The following SLC5A4 variants were observed in gnomAD, a reference collection of about 807,000 sequenced individuals.
The protein encoded by SLC5A4 is probable glucose sensor protein SLC5A4.
In SLC5A4, 55 loss-of-function variants were observed where a neutral mutation model predicts 70.3. The observed-to-expected ratio is 0.78, with a 90% CI of 0.63 to 0.98. The LOEUF is 0.98. Among genes scored for constraint, SLC5A4 ranks in the 50% least tolerant of loss-of-function variants. The pLI, the probability that SLC5A4 is intolerant of heterozygous loss-of-function variation, is 0.00. For synonymous variants in SLC5A4, 268 were observed against 305.7 expected (o/e 0.88, Z 1.29); for missense variants, 735 against 839.2 (o/e 0.88, Z 1.53).
the SLC5A4 span, among the ~76,000 whole-genome samples, chr22:32,332,934 G>A: frequency 6.6e-6 from 1 of 152,098 alleles, no homozygotes; most frequent in East Asian, 1.9e-4. Context: ...TTTCTCCTTT[G>A]CCTCCTGCTA....
At chr22:32,320,400 G>C in the SLC5A4 span, among the ~76,000 whole-genome samples, 21 of 152,292 alleles carry the variant, frequency 1.4e-4, no homozygotes, top group African/African-American at 4.3e-4. Context: ...GGCAACATAG[G>C]TACAAGCACA....
At chr22:32,271,402 T>C in the SLC5A4 span, 1 of 767,878 alleles carries the variant, frequency 1.3e-6, no homozygotes, top group Non-Finnish European at 2.3e-6. Context: ...CTGGTGCATG[T>C]GGACCAAAAG....
chr22:32,341,452 C>T, the SLC5A4 span, among the ~76,000 whole-genome samples: 3 of 152,194 alleles, frequency 2.0e-5, no homozygotes, highest in Non-Finnish European at 4.4e-5. Context: ...CCGGGATGAC[C>T]TTTCCCCACT....
At chr22:32,308,489 C>T in the SLC5A4 span, among the ~76,000 whole-genome samples, 2 of 152,220 alleles carry the variant, frequency 1.3e-5, no homozygotes, top group Admixed American at 6.5e-5. Context: ...CAGCCACACC[C>T]ACAGCCCTAG....
chr22:32,331,312 T>C, the SLC5A4 span, among the ~76,000 whole-genome samples: 1 of 151,774 alleles, frequency 6.6e-6, no homozygotes, highest in Non-Finnish European at 1.5e-5. Flanking sequence ...ACACGTGCTT[T>C]GGCCTCTCTG....
At chr22:32,225,287 T>A (rs1463052039) in intron 12 of SLC5A4, among the ~76,000 whole-genome samples, 1 of 152,180 alleles carries the variant, frequency 6.6e-6, no homozygotes, top group Non-Finnish European at 1.5e-5. Context: ...CTCACCACAA[T>A]CCCATAGAAT....
intron 5 of SLC5A4, among the ~76,000 whole-genome samples, chr22:32,239,566 A>T (rs1412317479): frequency 4.7e-4 from 11 of 23,494 alleles, no homozygotes; most frequent in South Asian, 1.9e-3. Context: ...ATATATATAT[A>T]TATTTATATA....
chr22:32,330,701 C>CTGGTG, the SLC5A4 span, among the ~76,000 whole-genome samples: 2 of 44,876 alleles, frequency 4.5e-5, no homozygotes. Flanking sequence ...GTTGGGGGCT[C>CTGGTG]TGTGTGTATT....
chr22:32,272,088 G>A, the SLC5A4 span: 10 of 651,980 alleles, frequency 1.5e-5, no homozygotes, highest in Admixed American at 1.2e-4. Context: ...GCAGAAGTGG[G>A]AGCTTGTGAC....
chr22:32,344,670 T>C, the SLC5A4 span, among the ~76,000 whole-genome samples: 1 of 152,198 alleles, frequency 6.6e-6, no homozygotes, highest in Non-Finnish European at 1.5e-5. Context: ...ACATTAAAAA[T>C]ATAGGAAATT....
the SLC5A4 span, among the ~76,000 whole-genome samples, chr22:32,303,156 A>C: frequency 2.0e-5 from 3 of 152,240 alleles, no homozygotes; most frequent in Admixed American, 2.0e-4. Context: ...CACACCCATG[A>C]CACAGCTTCA....
chr22:32,306,330 T>G, the SLC5A4 span, among the ~76,000 whole-genome samples: 2 of 88,672 alleles, frequency 2.3e-5, no homozygotes, highest in African/African-American at 8.4e-5. Flanking sequence ...CCAGGTGTGG[T>G]GGCAGGTGCC....
the SLC5A4 span, among the ~76,000 whole-genome samples, chr22:32,297,568 C>T: frequency 0.026 from 2,054 of 80,522 alleles, 6 homozygotes; most frequent in East Asian, 0.038. Flanking sequence ...GTCTTGCTAG[C>T]GGTCTATCAA....
chr22:32,220,897 A>G (rs768462578), intron 14 of SLC5A4, 23 bp downstream of exon 14: 1 of 1,511,844 alleles, frequency 6.6e-7, no homozygotes, highest in South Asian at 1.1e-5. Context: ...CTACATGAAA[A>G]CCAAATGTAA....
chr22:32,271,690 C>T, the SLC5A4 span: 1 of 571,954 alleles, frequency 1.7e-6, no homozygotes, highest in Non-Finnish European at 3.2e-6. Context: ...TGCGGCTGCA[C>T]CCCGTGGGCA....
chr22:32,304,831 A>T, the SLC5A4 span, among the ~76,000 whole-genome samples: 1 of 147,226 alleles, frequency 6.8e-6, no homozygotes, highest in African/African-American at 2.5e-5. Flanking sequence ...ATTTTCTCCT[A>T]TGTTCTAGGA....
At chr22:32,309,400 A>G in the SLC5A4 span, among the ~76,000 whole-genome samples, 6 of 152,176 alleles carry the variant, frequency 3.9e-5, no homozygotes, top group Non-Finnish European at 8.8e-5. Flanking sequence ...TACAAATTAC[A>G]TGGTGATGGA....
chr22:32,340,356 T>G, the SLC5A4 span, among the ~76,000 whole-genome samples: 1 of 152,216 alleles, frequency 6.6e-6, no homozygotes, highest in African/African-American at 2.4e-5. Flanking sequence ...GATTCATTCA[T>G]GCAACATGGA....
rs1160013304 is a variant in SLC5A4, at chr22:32,251,868, C to T, written c.214G>A (p.Ala72Thr). 6.8e-6 allele frequency: 11 copies of T among 1,612,200 alleles called. No homozygotes were observed. The highest frequency in any genetic ancestry group is 1.7e-4 in the Middle Eastern group (1 of 6,060). The part of the protein sequence containing the change: ...GRDMAWWPMG[A>T]SLFASNIGSN... ...CCGATGTTACTGGCAAAGAGAGAGG[C>T]GCCCATCTGGAATGCAAGAGAACAG... Residue 72 changes from alanine to threonine, a missense_variant, in exon 3 of 15, where the codon GCC becomes ACC. Physicochemically the swap from Ala to Thr is moderately conservative, Grantham distance 58 (BLOSUM62 0). Coordinates refer to ENST00000266086, the MANE Select transcript of SLC5A4 (RefSeq NM_014227.3).
Sources: allele counts gnomAD v4.1 joint callset (sites outside exome capture counted in the v4.1 genomes callset), GRCh38; gene constraint gnomAD v4.1.1; transcripts MANE v1.5; gene names NCBI Gene and HGNC (gene_info 2026-07-23, HGNC 2026-07-21).